KCNK1: variants seen among roughly 807,000 people sequenced by gnomAD.
KCNK1 encodes the protein potassium two pore domain channel subfamily K member 1.
In KCNK1, 10 loss-of-function variants were observed where a neutral mutation model predicts 22.2. The observed-to-expected ratio is 0.45, with a 90% CI of 0.28 to 0.76. The LOEUF (loss-of-function observed/expected upper bound fraction) is 0.76. Ranked by LOEUF, KCNK1 falls within the 30% of genes least tolerant of loss-of-function variation. The pLI is 0.14. For synonymous variants in KCNK1, 200 were observed against 186.4 expected (o/e 1.07, Z -0.60); for missense variants, 378 against 421.0 (o/e 0.90, Z 0.89).
chr1:233,669,123 T>C (rs1012935954), intron 2 of KCNK1, among the ~76,000 whole-genome samples: 2 of 152,232 alleles, frequency 1.3e-5, no homozygotes, highest in Admixed American at 1.3e-4. Flanking sequence ...GAGATGTTTT[T>C]TGTGTATGTG....
At chr1:233,624,849 T>A (rs1402486781) in intron 1 of KCNK1, among the ~76,000 whole-genome samples, 1 of 152,086 alleles carries the variant, frequency 6.6e-6, no homozygotes, top group Non-Finnish European at 1.5e-5. Flanking sequence ...GCACTTTGGT[T>A]ACTAGGTGCT....
intron 1 of KCNK1, among the ~76,000 whole-genome samples, chr1:233,664,356 T>C (rs981061874): frequency 1.3e-5 from 2 of 152,144 alleles, no homozygotes. Context: ...CTTCCATATG[T>C]AGCATGAACA....
At chr1:233,636,312 G>A (rs185536734) in intron 1 of KCNK1, among the ~76,000 whole-genome samples, 1 of 152,296 alleles carries the variant, frequency 6.6e-6, no homozygotes, top group African/African-American at 2.4e-5. Flanking sequence ...GCCGATCAGG[G>A]AGACCAGCTG....
intron 1 of KCNK1, chr1:233,650,113 C>T: frequency 2.0e-6 from 1 of 508,528 alleles, no homozygotes; most frequent in Non-Finnish European, 4.0e-6. Context: ...GGAGAGGAGA[C>T]CTACAGTTCT....
rs1373286687 is a variant in KCNK1, at chr1:233,614,128, C to T, written c.-44C>T. 5 of 1,368,598 alleles carry T rather than the reference C, an allele frequency of 3.7e-6. No individual in the cohort carries two copies. The South Asian group carries it at 4.7e-5, about 13-fold the overall frequency. 84.8% of individuals were successfully genotyped at this position (1,368,598 alleles called of 1,614,324 possible). A position where few individuals can be genotyped will look rare whatever the true frequency, so the allele number is the denominator to read the frequency against. ...GCCAGAAGAGGCGGCGGGCCGCGCT[C>T]CGGCCGGTCTGCGGCGTTGGCCTTG... On this transcript the variant is annotated 5_prime_UTR_variant, in exon 1 of 3. Transcript: ENST00000366621.
chr1:233,644,056 A>G (rs6668745), intron 1 of KCNK1, among the ~76,000 whole-genome samples: 107,716 of 151,996 alleles, frequency 0.71, 38,446 homozygotes, highest in Admixed American at 0.8. Flanking sequence ...GATTTATAAA[A>G]AACAGAAATT....
In KCNK1 at chr1:233,666,608, C is replaced by A; in HGVS notation, c.369C>A (p.Thr123=). Residue 123 remains threonine (T), a synonymous_variant, in exon 2 of 3, where the codon ACC becomes ACA. Transcript: ENST00000366621. The part of the protein sequence containing the change: ...TVLSTTGYGH[T]VPLSDGGKAF... ...TTCTCCTTGCAGGTTATGGCCACAC[C>A]GTGCCCTTGTCAGATGGAGGTAAGG... is the stretch of plus-strand genomic sequence containing the variant. The A allele has an allele frequency of 6.2e-7, 1 of 1,607,626 alleles. No individual in the cohort carries two copies. The highest frequency in any genetic ancestry group is 8.5e-7 in the Non-Finnish European group (1 of 1,176,174).
chr1:233,655,164 A>G lies in KCNK1; in HGVS notation c.356-11431A>G, dbSNP rs537344028. Among the ~76,000 whole-genome samples, 9 of 152,340 alleles carry G rather than the reference A, an allele frequency of 5.9e-5. No individual in the cohort carries two copies. The South Asian group carries it at 1.9e-3, about 32-fold the overall frequency. ...ATTGAGCCAAAGAAGATTATTCTCCAGACAAAATTTTGGACTTTGCTAGGG... is the reference window on the plus strand; with the variant it reads ...ATTGAGCCAAAGAAGATTATTCTCCGGACAAAATTTTGGACTTTGCTAGGG... On this transcript the variant is annotated intron_variant, in intron 1 of 2. Transcript: ENST00000366621.
In KCNK1 at chr1:233,639,643, C is replaced by T. The variant is rs535399410; in HGVS notation, c.355+25117C>T. Among the ~76,000 whole-genome samples, 53 of 152,156 alleles carry T rather than the reference C, an allele frequency of 3.5e-4. 1 individual carries two copies. The highest frequency in any genetic ancestry group is 5.9e-4 in the Non-Finnish European group (40 of 68,042). On this transcript the variant is annotated intron_variant, in intron 1 of 2. Coordinates refer to ENST00000366621, the MANE Select transcript of KCNK1 (RefSeq NM_002245.4). ...ACTTGATTCTCTTTCTTGTTAATAT[C>T]ATAAGGGAGAGAGTTGATGCTTCTT...
intron 1 of KCNK1, among the ~76,000 whole-genome samples, chr1:233,639,655 A>G (rs1164078782): frequency 6.6e-6 from 1 of 152,168 alleles, no homozygotes; most frequent in East Asian, 1.9e-4. Context: ...TAAGGGAGAG[A>G]GTTGATGCTT....
chr1:233,664,035 T>G (rs1658447922), intron 1 of KCNK1, among the ~76,000 whole-genome samples: 1 of 152,158 alleles, frequency 6.6e-6, no homozygotes, highest in South Asian at 2.1e-4. Context: ...TTTCACCATG[T>G]TGGCCAGGCT....
chr1:233,636,746 A>C (rs1178380932), intron 1 of KCNK1, among the ~76,000 whole-genome samples: 3 of 46,202 alleles, frequency 6.5e-5, no homozygotes, highest in African/African-American at 3.5e-4. Context: ...TCATAGGAAA[A>C]ACAGGTGATC....
intron 1 of KCNK1, among the ~76,000 whole-genome samples, chr1:233,659,784 G>A (rs961496765): frequency 9.2e-5 from 14 of 152,178 alleles, no homozygotes; most frequent in South Asian, 2.1e-4. Flanking sequence ...CTGAAACGTC[G>A]TTATGTGGTA....
intron 1 of KCNK1, among the ~76,000 whole-genome samples, chr1:233,651,603 C>A (rs1456291665): frequency 6.6e-6 from 1 of 152,198 alleles, no homozygotes; most frequent in Non-Finnish European, 1.5e-5. Context: ...AAGGGGCATA[C>A]TAGAACATAG....
intron 1 of KCNK1, among the ~76,000 whole-genome samples, chr1:233,647,255 C>T (rs922356160): frequency 3.3e-5 from 5 of 152,134 alleles, no homozygotes; most frequent in Admixed American, 2.0e-4. Context: ...GATGGTTTAG[C>T]GTTGCTAGCC....
intron 1 of KCNK1, among the ~76,000 whole-genome samples, chr1:233,630,965 C>A (rs899279746): frequency 2.0e-5 from 3 of 152,174 alleles, no homozygotes; most frequent in Non-Finnish European, 4.4e-5. Context: ...GCAGTGAGAG[C>A]ACCATAGAAA....
At chr1:233,630,285 T>C (rs1164228238) in intron 1 of KCNK1, among the ~76,000 whole-genome samples, 1 of 152,232 alleles carries the variant, frequency 6.6e-6, no homozygotes, top group Non-Finnish European at 1.5e-5. Flanking sequence ...AAATTATTTT[T>C]TGTCAGAGCA....
At chr1:233,617,016 G>A (rs1004637250) in intron 1 of KCNK1, among the ~76,000 whole-genome samples, 3 of 151,220 alleles carry the variant, frequency 2.0e-5, no homozygotes, top group Admixed American at 1.3e-4. Flanking sequence ...ATCGCTTTTC[G>A]TTTTTTGGGT....
chr1:233,636,761 T>G (rs61824275), intron 1 of KCNK1, among the ~76,000 whole-genome samples: 116,014 of 151,894 alleles, frequency 0.76, 44,583 homozygotes, highest in African/African-American at 0.84. Flanking sequence ...GTGATCCCTC[T>G]AGGACAAGGG....
Sources: allele counts gnomAD v4.1 joint callset (sites outside exome capture counted in the v4.1 genomes callset), GRCh38; gene constraint gnomAD v4.1.1; transcripts MANE v1.5; gene names NCBI Gene and HGNC (gene_info 2026-07-23, HGNC 2026-07-21).